The following HCN1 variants were observed in gnomAD, a reference collection of about 807,000 sequenced individuals.
HCN1 encodes the protein potassium/sodium hyperpolarization-activated cyclic nucleotide-gated channel 1.
A neutral mutation model predicts 78.9 loss-of-function variants in HCN1; 13 were observed. The observed-to-expected ratio is 0.16, with a 90% CI of 0.11 to 0.26. The LOEUF (loss-of-function observed/expected upper bound fraction) is 0.26, where lower values mean the gene tolerates loss of function less well. Among genes scored for constraint, HCN1 ranks in the 10% least tolerant of loss-of-function variants. The probability of loss-of-function intolerance (pLI) is 1.00; values close to 1 mark genes in which losing one functional copy is unlikely to be tolerated. For synonymous variants in HCN1, 552 were observed against 455.5 expected, an observed-to-expected ratio of 1.21 and a Z score of -2.70; for missense variants, 810 against 1,154.3, an observed-to-expected ratio of 0.70 and a Z score of 4.32.
intron 2 of HCN1, among the ~76,000 whole-genome samples, chr5:45,526,796 G>A (rs1313657596): frequency 6.6e-6 from 1 of 151,870 alleles, no homozygotes; most frequent in Non-Finnish European, 1.5e-5. Flanking sequence ...TCCTCATATT[G>A]TAATCCTTGC....
chr5:45,558,003 G>A (rs1427169103), intron 2 of HCN1: 3 of 152,186 alleles, frequency 2.0e-5, no homozygotes, highest in Middle Eastern at 6.8e-3. Flanking sequence ...GCTTAGTGAG[G>A]AAGGCATATT....
chr5:45,409,756 G>C (rs557733792), intron 3 of HCN1, among the ~76,000 whole-genome samples: 1 of 151,938 alleles, frequency 6.6e-6, no homozygotes, highest in South Asian at 2.1e-4. Flanking sequence ...TAGAAAGTTG[G>C]AATTGTAAGG....
chr5:45,407,653 G>A (rs1043842709), intron 3 of HCN1, among the ~76,000 whole-genome samples: 1 of 152,038 alleles, frequency 6.6e-6, no homozygotes, highest in Non-Finnish European at 1.5e-5. Context: ...CCAAGTAGCT[G>A]GGATTACAGG....
intron 2 of HCN1, among the ~76,000 whole-genome samples, chr5:45,611,269 CTTTTTTT>C (rs1054830050): frequency 8.8e-6 from 1 of 113,732 alleles, no homozygotes; most frequent in African/African-American, 3.1e-5. Context: ...TTATCTTTTT[CTTTTTTT>C]TTTTTTTTTT....
At chr5:45,673,806 C>T (rs1182369496) in intron 1 of HCN1, among the ~76,000 whole-genome samples, 1 of 151,532 alleles carries the variant, frequency 6.6e-6, no homozygotes, top group Non-Finnish European at 1.5e-5. Context: ...TGCTCTCTAC[C>T]AAAAGAAAGG....
At chr5:45,533,875 GGTCATTA>G (rs1394178988) in intron 2 of HCN1, among the ~76,000 whole-genome samples, 7 of 152,146 alleles carry the variant, frequency 4.6e-5, no homozygotes, top group Non-Finnish European at 8.8e-5. Flanking sequence ...CTGACAATAG[GGTCATTA>G]GTGGAGTGCA....
chr5:45,306,640 C>A (rs1245470307), intron 5 of HCN1, among the ~76,000 whole-genome samples: 1 of 152,040 alleles, frequency 6.6e-6, no homozygotes, highest in Non-Finnish European at 1.5e-5. Context: ...ATAGTAGAAA[C>A]AATCATGTAA....
chr5:45,266,916 C>G (rs994339604), intron 7 of HCN1, among the ~76,000 whole-genome samples, 173 bp downstream of exon 7: 11 of 152,084 alleles, frequency 7.2e-5, no homozygotes, highest in African/African-American at 2.7e-4. Context: ...ACCATGTTGG[C>G]CAGGCTGGTC....
At chr5:45,347,403 C>A (rs1056596096) in intron 5 of HCN1, among the ~76,000 whole-genome samples, 9 of 152,036 alleles carry the variant, frequency 5.9e-5, no homozygotes, top group Admixed American at 5.9e-4. Context: ...TCGATAAAAC[C>A]ACAAAGATGG....
At chr5:45,652,117 T>G (rs764383931) in intron 1 of HCN1, among the ~76,000 whole-genome samples, 4 of 151,938 alleles carry the variant, frequency 2.6e-5, no homozygotes, top group Admixed American at 6.6e-5. Flanking sequence ...GAAATAGAAA[T>G]TTAAAACCTA....
At chr5:45,510,461 G>A (rs533399122) in intron 2 of HCN1, among the ~76,000 whole-genome samples, 66 of 152,060 alleles carry the variant, frequency 4.3e-4, no homozygotes, top group Non-Finnish European at 7.5e-4. Flanking sequence ...TATAGAGTCC[G>A]GCTCACACAG....
chr5:45,380,571 A>G (rs1177840119), intron 4 of HCN1, among the ~76,000 whole-genome samples: 1 of 152,128 alleles, frequency 6.6e-6, no homozygotes, highest in Non-Finnish European at 1.5e-5. Context: ...CACATTTTTC[A>G]TCAGAAGAAA....
chr5:45,459,061 T>G (rs540773671), intron 3 of HCN1, among the ~76,000 whole-genome samples: 1 of 152,078 alleles, frequency 6.6e-6, no homozygotes, highest in South Asian at 2.1e-4. Context: ...CTCTCTTGAT[T>G]CAAAAATGGT....
At chr5:45,675,746 A>G (rs545460643) in intron 1 of HCN1, among the ~76,000 whole-genome samples, 1 of 151,944 alleles carries the variant, frequency 6.6e-6, no homozygotes, top group Admixed American at 6.6e-5. Flanking sequence ...ATTTCCTTCC[A>G]TTGTGAACAA....
rs977700011 is a variant in HCN1, at chr5:45,255,587, ATATGT to A, written c.*6329_*6333del. 1.3e-5 allele frequency: 2 copies of A among 152,234 alleles called. No homozygotes were observed. The highest frequency in any genetic ancestry group is 4.8e-5 in the African/African-American group (2 of 41,462). 9.4% of individuals were successfully genotyped at this position (152,234 alleles called of 1,614,324 possible). On this transcript the variant is annotated 3_prime_UTR_variant, in exon 8 of 8. Transcript: ENST00000303230. Reference sequence around the variant, plus strand: ...ACTGCACATTTTAAACAGAATTGTAATATGTTAGGTTGGTAATAGATGTTAGAAGA... The same window carrying A: ...ACTGCACATTTTAAACAGAATTGTAATAGGTTGGTAATAGATGTTAGAAGA...
chr5:45,370,652 T>A (rs933717807), intron 4 of HCN1, among the ~76,000 whole-genome samples: 1 of 152,102 alleles, frequency 6.6e-6, no homozygotes, highest in East Asian at 1.9e-4. Flanking sequence ...ATATAATTTA[T>A]CATATATGTG....
intron 2 of HCN1, among the ~76,000 whole-genome samples, chr5:45,602,143 C>T (rs1744637328): frequency 6.6e-6 from 1 of 152,062 alleles, no homozygotes; most frequent in African/African-American, 2.4e-5. Context: ...AAACTATGAG[C>T]AATTAAACCA....
intron 2 of HCN1, among the ~76,000 whole-genome samples, chr5:45,542,654 C>T (rs1226952532): frequency 6.6e-6 from 1 of 152,104 alleles, no homozygotes; most frequent in Non-Finnish European, 1.5e-5. Flanking sequence ...AACTACTACA[C>T]ACAACAGGCG....
chr5:45,480,539 C>T (rs1293328069), intron 2 of HCN1, among the ~76,000 whole-genome samples: 3 of 152,086 alleles, frequency 2.0e-5, no homozygotes, highest in Non-Finnish European at 4.4e-5. Context: ...GTGGGCATAT[C>T]AGAGCTAATG....
Sources: allele counts gnomAD v4.1 joint callset (sites outside exome capture counted in the v4.1 genomes callset), GRCh38; gene constraint gnomAD v4.1.1; transcripts MANE v1.5; gene names NCBI Gene and HGNC (gene_info 2026-07-23, HGNC 2026-07-21).